CAST: variants seen among roughly 807,000 people sequenced by gnomAD.
CAST encodes the protein calpastatin.
In CAST, 76 loss-of-function variants were observed where a neutral mutation model predicts 119.6. The observed-to-expected ratio is 0.64, with a 90% CI of 0.53 to 0.77. The LOEUF is 0.77. CAST is among the 30% of genes least tolerant of loss of function. The pLI, the probability that CAST is intolerant of heterozygous loss-of-function variation, is 0.00. For synonymous variants in CAST, 319 were observed against 331.6 expected (o/e 0.96, Z 0.41); for missense variants, 953 against 946.5 (o/e 1.01, Z -0.09).
the CAST span, among the ~76,000 whole-genome samples, chr5:96,257,160 TTGA>T: frequency 6.6e-6 from 1 of 152,180 alleles, no homozygotes; most frequent in African/African-American, 2.4e-5. Context: ...GGTGCAGGTC[TTGA>T]TGAAGAAGAG....
chr5:96,746,422 C>T lies in CAST; in HGVS notation c.1281C>T (p.Ala427=), dbSNP rs1763777461. The T allele has an allele frequency of 1.3e-6, 2 of 1,592,828 alleles. No individual in the cohort carries two copies. The highest frequency in any genetic ancestry group is 2.2e-5 in the South Asian group (2 of 90,612). The change falls in exon 17 of 32, where the codon GCC becomes GCT. Residue 427 remains alanine (A), a synonymous_variant. Coordinates refer to ENST00000675179, the MANE Select transcript of CAST (RefSeq NM_001750.7). ...TIPSEYRLKP[A]TDKDGKPLLP... The stretch of plus-strand genomic sequence containing the variant: ...CATCTGAGTACAGATTAAAACCAGC[C>T]ACGGTAAATTTTTAGCCACAGTGCA...
chr5:96,665,314 A>G (rs1207301629), intron 1 of CAST, among the ~76,000 whole-genome samples: 2 of 152,234 alleles, frequency 1.3e-5, no homozygotes, highest in African/African-American at 2.4e-5. Context: ...TTAACCTACT[A>G]TATCCCACAT....
At chr5:96,335,759 T>A in the CAST span, among the ~76,000 whole-genome samples, 2 of 152,190 alleles carry the variant, frequency 1.3e-5, no homozygotes, top group Non-Finnish European at 2.9e-5. Flanking sequence ...ATCACTTCCC[T>A]CCAACCTAAA....
the CAST span, among the ~76,000 whole-genome samples, chr5:96,022,025 G>A: frequency 6.6e-6 from 1 of 152,144 alleles, no homozygotes; most frequent in African/African-American, 2.4e-5. Context: ...GTTATGAATA[G>A]TACAGTTTAA....
chr5:96,145,713 A>G, the CAST span, among the ~76,000 whole-genome samples: 1 of 152,186 alleles, frequency 6.6e-6, no homozygotes, highest in African/African-American at 2.4e-5. Flanking sequence ...CTATTGCTTT[A>G]TATCTTTCCT....
At chr5:96,623,031 T>C (rs1747650777) in intron 1 of CAST, among the ~76,000 whole-genome samples, 1 of 151,806 alleles carries the variant, frequency 6.6e-6, no homozygotes, top group Admixed American at 6.6e-5. Flanking sequence ...ACCTGGCTAA[T>C]TTTTGTATTT....
chr5:96,438,051 C>CT, the CAST span, among the ~76,000 whole-genome samples: 110 of 152,234 alleles, frequency 7.2e-4, 2 homozygotes, highest in Middle Eastern at 0.014. Context: ...TCTTGCCTAA[C>CT]TTTTTTCTGC....
chr5:96,429,119 AC>A, the CAST span: 4 of 733,224 alleles, frequency 5.5e-6, no homozygotes, highest in African/African-American at 3.5e-5. Context: ...TAAAAAAAAA[AC>A]CACATTTGCA....
At chr5:96,712,827 A>T (rs1161890665) in intron 3 of CAST, among the ~76,000 whole-genome samples, 1 of 152,102 alleles carries the variant, frequency 6.6e-6, no homozygotes, top group East Asian at 1.9e-4. Context: ...AGTTCTCATG[A>T]CGTTGGCTTT....
chr5:96,292,454 C>T, the CAST span, among the ~76,000 whole-genome samples: 1 of 152,180 alleles, frequency 6.6e-6, no homozygotes, highest in South Asian at 2.1e-4. Flanking sequence ...GGTCTTATCA[C>T]CTGGAGAGTT....
chr5:96,036,736 A>G, the CAST span, among the ~76,000 whole-genome samples: 4 of 152,152 alleles, frequency 2.6e-5, no homozygotes, highest in African/African-American at 7.2e-5. Context: ...AAATATTTTG[A>G]TCTTAACTAT....
the CAST span, among the ~76,000 whole-genome samples, chr5:96,100,019 C>A: frequency 6.6e-6 from 1 of 152,150 alleles, no homozygotes; most frequent in South Asian, 2.1e-4. Context: ...CGTTATTGAT[C>A]TGTTCAGGGA....
At chr5:96,330,184 T>A in the CAST span, among the ~76,000 whole-genome samples, 3 of 152,218 alleles carry the variant, frequency 2.0e-5, no homozygotes, top group Non-Finnish European at 2.9e-5. Flanking sequence ...GACCATTTTT[T>A]AAAAAGATGG....
the CAST span, among the ~76,000 whole-genome samples, chr5:96,260,145 G>C: frequency 1.1e-4 from 17 of 151,938 alleles, no homozygotes; most frequent in Admixed American, 9.2e-4. Flanking sequence ...TGTGAACTAG[G>C]GTTTAAAACC....
chr5:96,089,605 G>A, the CAST span, among the ~76,000 whole-genome samples: 1 of 152,140 alleles, frequency 6.6e-6, no homozygotes, highest in African/African-American at 2.4e-5. Flanking sequence ...AGAAGGGGAA[G>A]ACCAATACTG....
rs559795606 is a variant in CAST, at chr5:96,555,421, G to A, written c.60+25541G>A. 2.0e-4 allele frequency among the ~76,000 whole-genome samples: 31 copies of A among 152,290 alleles called. 1 individual carries two copies. The highest frequency in any genetic ancestry group is 1.2e-3 in the Admixed American group (18 of 15,306). On this transcript the variant is annotated intron_variant, in intron 1 of 11. Coordinates refer to the CAST transcript ENST00000505143. ...CGCACCCAGCGTGAGCCGAAGCAGGGTGAAGCATCGCCTCACCCAGGAAGT... is the reference window on the plus strand; with the variant it reads ...CGCACCCAGCGTGAGCCGAAGCAGGATGAAGCATCGCCTCACCCAGGAAGT...
At chr5:95,962,063 G>C in the CAST span, 4 of 398,860 alleles carry the variant, frequency 1.0e-5, no homozygotes, top group Non-Finnish European at 1.8e-5. Context: ...TAGGTGACGC[G>C]CCAACTTAAT....
chr5:96,399,542 C>T, the CAST span, among the ~76,000 whole-genome samples: 1 of 152,130 alleles, frequency 6.6e-6, no homozygotes, highest in African/African-American at 2.4e-5. Context: ...AGCACTGTGG[C>T]ATGAAGCAAG....
At chr5:96,283,523 TTTGA>T in the CAST span, among the ~76,000 whole-genome samples, 146 of 152,356 alleles carry the variant, frequency 9.6e-4, no homozygotes, top group African/African-American at 3.4e-3. Context: ...TCCTTGATAC[TTTGA>T]TTGGCAAGTC....
Sources: gnomAD v4.1 joint callset for allele counts (sites outside exome capture counted in the v4.1 genomes callset) on GRCh38, gnomAD v4.1.1 for gene constraint, MANE v1.5 for transcripts, NCBI Gene and HGNC (gene_info 2026-07-23, HGNC 2026-07-21) for gene names.